The following ZZEF1 variants were observed in gnomAD, a reference collection of about 807,000 sequenced individuals.
The protein encoded by ZZEF1 is zinc finger ZZ-type and EF-hand domain-containing protein 1.
Under a neutral mutation model 342.8 loss-of-function variants are expected in ZZEF1, and 157 were observed. The ratio of observed to expected loss-of-function variants is 0.46; its 90% CI spans 0.40 to 0.52. ZZEF1 has a LOEUF of 0.52. ZZEF1 is among the 20% of genes least tolerant of loss of function. The pLI is 0.00. For missense variants in ZZEF1, 3,480 were observed against 3,725.6 expected (o/e 0.93, Z 1.72); for synonymous variants, 1,505 against 1,429.1 (o/e 1.05, Z -1.20).
At chr17:4,118,335 C>G (rs2058430950) in intron 2 of ZZEF1, among the ~76,000 whole-genome samples, 1 of 152,156 alleles carries the variant, frequency 6.6e-6, no homozygotes, top group South Asian at 2.1e-4. Flanking sequence ...GTCCAATGTT[C>G]AGTTTCTACC....
At chr17:4,115,315 C>T (rs1179337727) in intron 3 of ZZEF1, among the ~76,000 whole-genome samples, 3 of 152,188 alleles carry the variant, frequency 2.0e-5, no homozygotes, top group Admixed American at 6.5e-5. Flanking sequence ...GCATCAACCA[C>T]CGTGCCTGGC....
At chr17:4,107,218 C>T (rs2045649401) in intron 6 of ZZEF1, among the ~76,000 whole-genome samples, 1 of 152,178 alleles carries the variant, frequency 6.6e-6, no homozygotes. Context: ...GGCAGGAGTG[C>T]ATGAAAATAT....
Position 4,075,117 on chromosome 17 carries a change from C to T in ZZEF1, c.3463G>A (p.Gly1155Ser), listed in dbSNP as rs2057585105. Reference protein sequence around the residue: ...GRKTRYDTKVGTDKWPKKVTF... With the variant: ...GRKTRYDTKVSTDKWPKKVTF... ...CTCACCTTGGGCCATTTATCAGTGC[C>T]AACTTTTGTGTCATAGCGTGTTTTC... The change falls in exon 23 of 55, where the codon GGC (glycine) becomes AGC (serine). Residue 1155 changes from glycine to serine, a missense_variant. Coordinates refer to ENST00000381638, the MANE Select transcript of ZZEF1 (RefSeq NM_015113.4). The T allele has an allele frequency of 6.2e-7, 1 of 1,614,084 alleles. No individual in the cohort carries two copies. The highest frequency in any genetic ancestry group is 1.7e-5 in the Admixed American group (1 of 60,002).
chr17:4,132,297 C>T (rs2058673131), intron 1 of ZZEF1, among the ~76,000 whole-genome samples: 1 of 151,860 alleles, frequency 6.6e-6, no homozygotes, highest in Non-Finnish European at 1.5e-5. Context: ...GATTCCCATG[C>T]CTCAGCCTCC....
chr17:4,109,634 CAT>C lies in ZZEF1; in HGVS notation c.1277+17_1277+18del, dbSNP rs747910098. ...TGAGGGCATGTTGAGGGGGCTGGAA[CAT>C]AGAGAGAATGACTTACTGAGTATTG... On this transcript the variant is annotated intron_variant, in intron 6 of 54. Transcript: ENST00000381638. The C allele has an allele frequency of 6.2e-7, 1 of 1,613,436 alleles. No homozygotes were observed. Among genetic ancestry groups the C allele is most frequent in the South Asian group, 1.1e-5 (1 of 91,034 alleles).
At chr17:4,015,905 T>G (rs2056087722) in intron 49 of ZZEF1, among the ~76,000 whole-genome samples, 1 of 152,180 alleles carries the variant, frequency 6.6e-6, no homozygotes, top group Non-Finnish European at 1.5e-5. Context: ...GATTCAGTTC[T>G]GGGAAATTTT....
At chr17:4,026,300 T>A (rs1212971300) in intron 42 of ZZEF1, among the ~76,000 whole-genome samples, 5 of 152,092 alleles carry the variant, frequency 3.3e-5, no homozygotes, top group African/African-American at 1.2e-4. Context: ...GGTCAAAAAT[T>A]TTCCAAATTT....
chr17:4,140,267 G>C (rs546609692), intron 1 of ZZEF1, among the ~76,000 whole-genome samples: 13 of 152,258 alleles, frequency 8.5e-5, no homozygotes, highest in African/African-American at 3.1e-4. Flanking sequence ...ACTTCTTCCA[G>C]ATTCTCTGGA....
At position 4,062,754 on chromosome 17, in the gene ZZEF1, T is replaced by C. The variant is rs1267341935; in HGVS notation, c.4882A>G (p.Asn1628Asp). Residue 1628 changes from asparagine to aspartate, a missense_variant and splice_region_variant, in exon 30 of 55, where the codon AAT becomes GAT. Transcript: ENST00000381638. ...ELLTCQKDFTNYFGHLEGCGA... is the reference protein window; with the variant it reads ...ELLTCQKDFTDYFGHLEGCGA... ...TCTGGACCTGTCCTTTGTACTTACT[T>C]GGTAAAATCTTTCTGACAGGTCAGA... 3 of 1,600,730 alleles carry C rather than the reference T, an allele frequency of 1.9e-6. No individual in the cohort carries two copies. The highest frequency in any genetic ancestry group is 1.7e-5 in the Admixed American group (1 of 57,914).
chr17:4,082,837 G>A (rs898424632), intron 16 of ZZEF1, among the ~76,000 whole-genome samples: 7 of 152,046 alleles, frequency 4.6e-5, no homozygotes, highest in Admixed American at 6.6e-5. Context: ...GTGCAATGGC[G>A]CGATCTCAGC....
chr17:4,092,155 A>C lies in ZZEF1; in HGVS notation c.1914-1325T>G, dbSNP rs1021851110. ...GCAGTTTTTTCAAGTAACATTCCTA[A>C]AACTTTACACTATTCAGTCTGTGAT... On this transcript the variant is annotated intron_variant, in intron 11 of 54. Coordinates refer to ENST00000381638, the MANE Select transcript of ZZEF1 (RefSeq NM_015113.4). 1.1e-4 allele frequency among the ~76,000 whole-genome samples: 16 copies of C among 151,836 alleles called. 1 individual carries two copies. Among genetic ancestry groups the C allele is most frequent in the African/African-American group, 3.6e-4 (15 of 41,392 alleles).
At position 4,114,341 on chromosome 17, in the gene ZZEF1, G is replaced by A; in HGVS notation, c.824C>T (p.Ser275Phe). 1 of 1,610,972 alleles carries A rather than the reference G, an allele frequency of 6.2e-7. No individual in the cohort carries two copies. The highest frequency in any genetic ancestry group is 8.5e-7 in the Non-Finnish European group (1 of 1,178,672). Residue 275 changes from serine (S) to phenylalanine (F), a missense_variant, in exon 4 of 55, where the codon TCC (serine) becomes TTC (phenylalanine). Physicochemically the swap from Ser to Phe is radical, Grantham distance 155. Transcript: ENST00000381638. ...IDKMTNGETS[S>F]YWQSDGSACS... Reference sequence around the variant, plus strand: ...GGCACTGCCATCTGACTGCCAGTAGGATGAGGTTTCTCCATTTGTCATCTT... The same window carrying A: ...GGCACTGCCATCTGACTGCCAGTAGAATGAGGTTTCTCCATTTGTCATCTT...
rs1481126590 is a variant in ZZEF1 at position 4,035,692 on chromosome 17, CAG to C, written c.6307-1402_6307-1401del. Among the ~76,000 whole-genome samples the C allele has an allele frequency of 7.2e-5, 11 of 152,300 alleles. No individual in the cohort carries two copies. The East Asian group carries it at 9.6e-4, about 13-fold the overall frequency. ...TCTGCGCGGGGAGTTCACCCTCACA[CAG>C]GGGCTCAGAGTCCAAACAGCATAAG... is the stretch of plus-strand genomic sequence containing the variant. On this transcript the variant is annotated intron_variant, in intron 39 of 54. Transcript: ENST00000381638.
Position 4,117,247 on chromosome 17 carries a change from T to C in ZZEF1, c.500-81A>G, listed in dbSNP as rs936793513. On this transcript the variant is annotated intron_variant, in intron 2 of 54. Coordinates refer to ENST00000381638, the MANE Select transcript of ZZEF1 (RefSeq NM_015113.4). ...TCCCCTGCCTGGTGGCCTATCTGAATTGGCTAAATTAAAAGCAGTCATTAA... is the reference window on the plus strand; with the variant it reads ...TCCCCTGCCTGGTGGCCTATCTGAACTGGCTAAATTAAAAGCAGTCATTAA... The C allele has an allele frequency of 1.6e-5, 18 of 1,102,596 alleles. No homozygotes were observed. In the Middle Eastern group the frequency reaches 8.7e-4, roughly 54 times the overall value. 68.3% of individuals were successfully genotyped at this position (1,102,596 alleles called of 1,614,324 possible). A position where few individuals can be genotyped will look rare whatever the true frequency, so the allele number is the denominator to read the frequency against.
chr17:4,017,566 A>G lies in ZZEF1; in HGVS notation c.7806T>C (p.Ala2602=). Residue 2602 remains alanine, a synonymous_variant, in exon 48 of 55, where the codon GCT becomes GCC. Coordinates refer to ENST00000381638, the MANE Select transcript of ZZEF1 (RefSeq NM_015113.4). This position sits in a 1 kb window ranked among gnomAD's most constrained non-coding sequence, Gnocchi z 5.1. ...TCACTCGGAAGAGGTAGTCCCGGAC[A>G]GCCCTCTTACTCTTGCAGTTCAGCT... ...HKELNCKSKR[A]VRDYLFRVNE... 6.2e-7 allele frequency: 1 copy of G among 1,614,290 alleles called. No individual in the cohort carries two copies. The highest frequency in any genetic ancestry group is 8.5e-7 in the Non-Finnish European group (1 of 1,180,052).
intron 5 of ZZEF1, among the ~76,000 whole-genome samples, chr17:4,111,807 G>A (rs2058307277): frequency 6.9e-6 from 1 of 144,810 alleles, no homozygotes; most frequent in Non-Finnish European, 1.5e-5. Flanking sequence ...GGAGGCCAAG[G>A]TAGGAGCATA....
Position 4,064,748 on chromosome 17 carries a change from A to AAG in ZZEF1, c.4330_4331insCT (p.Leu1444SerfsTer108). 6.2e-7 allele frequency: 1 copy of AAG among 1,613,938 alleles called. No homozygotes were observed. The highest frequency in any genetic ancestry group is 8.5e-7 in the Non-Finnish European group (1 of 1,179,996). ...ATGACTGGTTTCATCAGCAGTCTCCAACTTTTCGCAGCTTTCTTTTGAACT... is the reference window on the plus strand; with the variant it reads ...ATGACTGGTTTCATCAGCAGTCTCCAAGACTTTTCGCAGCTTTCTTTTGAACT... On this transcript the variant is annotated frameshift_variant, in exon 29 of 55. Transcript: ENST00000381638. LOFTEE classifies it high-confidence loss of function.
intron 37 of ZZEF1, among the ~76,000 whole-genome samples, chr17:4,047,739 G>T (rs539560886): frequency 2.0e-5 from 3 of 151,584 alleles, no homozygotes; most frequent in Non-Finnish European, 2.9e-5. Flanking sequence ...TCAGAAGATC[G>T]AGACCAACCT....
chr17:4,059,780 G>A lies in ZZEF1; in HGVS notation c.4884-490C>T, dbSNP rs553631613. 1.1e-4 allele frequency among the ~76,000 whole-genome samples: 16 copies of A among 152,246 alleles called. No individual in the cohort carries two copies. The South Asian group carries it at 3.1e-3, about 30-fold the overall frequency. On this transcript the variant is annotated intron_variant, in intron 30 of 54. Coordinates refer to ENST00000381638, the MANE Select transcript of ZZEF1 (RefSeq NM_015113.4). ...CAATTCTCTGCCATCTGCATCTCCA[G>A]TGATCTTCTCTTCCACGCCCTTAGC...
Sources: gnomAD v4.1 joint callset for allele counts (sites outside exome capture counted in the v4.1 genomes callset) on GRCh38, gnomAD v4.1.1 for gene constraint, Gnocchi (gnomAD v3.1) non-coding constraint, MANE v1.5 for transcripts, NCBI Gene and HGNC (gene_info 2026-07-23, HGNC 2026-07-21) for gene names.